The following MYO7B variants were observed in gnomAD, a reference collection of about 807,000 sequenced individuals.
The protein encoded by MYO7B is myosin VIIB, also known as unconventional myosin-VIIb.
A neutral mutation model predicts 259.7 loss-of-function variants in MYO7B; 212 were observed. The observed-to-expected ratio is 0.82, with a 90% CI of 0.73 to 0.91. MYO7B has a LOEUF of 0.91. Among genes scored for constraint, MYO7B ranks in the 40% least tolerant of loss-of-function variants. The pLI is 0.00. For synonymous variants in MYO7B, 1,197 were observed against 1,166.4 expected (o/e 1.03, Z -0.54); for missense variants, 2,732 against 2,813.5 (o/e 0.97, Z 0.66).
In MYO7B at chr2:127,569,772, GCA is replaced by G; in HGVS notation, c.471-13_471-12del. On this transcript the variant is annotated splice_polypyrimidine_tract_variant and intron_variant, in intron 5 of 47. Transcript: ENST00000409816. ...AGTCGTTTTGTGGCATCATGTCCCT[GCA>G]CACCCTTTTTGCAGCGGCGAGTCTG... 6.2e-7 allele frequency: 1 copy of G among 1,606,478 alleles called. No homozygotes were observed. Among genetic ancestry groups the G allele is most frequent in the Non-Finnish European group, 8.5e-7 (1 of 1,174,886 alleles).
chr2:127,592,999 G>T, intron 17 of MYO7B, 53 bp downstream of exon 17: 1 of 1,407,612 alleles, frequency 7.1e-7, no homozygotes, highest in Non-Finnish European at 9.2e-7. Context: ...CTTCCCCTCG[G>T]CCTTGGCACC....
Position 127,636,108 on chromosome 2 carries a change from T to A in MYO7B, c.6007-100T>A. ...CCCATGCTGCATTCCTCCCCTCCCC[T>A]CCCCACCGTACTAGCCCTGGGGTAG... On this transcript the variant is annotated intron_variant, in intron 44 of 47. Transcript: ENST00000409816. The surrounding 1 kb of genome is among the most constrained non-coding windows in gnomAD (Gnocchi z 4.5). The A allele has an allele frequency of 1.8e-6, 2 of 1,128,328 alleles. No homozygotes were observed. The highest frequency in any genetic ancestry group is 2.6e-6 in the Non-Finnish European group (2 of 776,622). 69.9% of individuals were successfully genotyped at this position (1,128,328 alleles called of 1,614,324 possible).
At chr2:127,589,956 G>T in intron 15 of MYO7B, 136 bp from the exon 16 acceptor site, 1 of 945,832 alleles carries the variant, frequency 1.1e-6, no homozygotes, top group Non-Finnish European at 1.6e-6. Context: ...GGATGGGTGG[G>T]TGGGTGGATT....
chr2:127,542,550 A>G (rs1339964030), intron 1 of MYO7B, among the ~76,000 whole-genome samples: 1 of 152,196 alleles, frequency 6.6e-6, no homozygotes, highest in African/African-American at 2.4e-5. Flanking sequence ...TAAAATAAGT[A>G]ACAAATGCAT....
chr2:127,619,376 G>A (rs1383452753), intron 26 of MYO7B, among the ~76,000 whole-genome samples: 1 of 144,414 alleles, frequency 6.9e-6, no homozygotes, highest in Non-Finnish European at 1.5e-5. Flanking sequence ...GCTGAGTAGT[G>A]GGTGCCGGCT....
chr2:127,538,877 T>C (rs1692895891), intron 1 of MYO7B, among the ~76,000 whole-genome samples: 1 of 152,232 alleles, frequency 6.6e-6, no homozygotes, highest in Admixed American at 6.5e-5. Flanking sequence ...GCAGAAATCT[T>C]GAGTCAAGAA....
Position 127,605,910 on chromosome 2 carries a change from C to T in MYO7B, c.2406C>T (p.Asn802=), listed in dbSNP as rs1162504666. 6.2e-7 allele frequency: 1 copy of T among 1,613,264 alleles called. No homozygotes were observed. Among genetic ancestry groups the T allele is most frequent in the Non-Finnish European group, 8.5e-7 (1 of 1,179,802 alleles). ...AGGCCTGGTGGAGAGGCTACTGCAA[C>T]AGGAGGAATTTCAAGCTGGTGAGAG... ...TLQAWWRGYC[N]RRNFKLILVG... Residue 802 remains asparagine, a synonymous_variant, in exon 20 of 48, where the codon AAC becomes AAT. Coordinates refer to ENST00000409816, the MANE Select transcript of MYO7B (RefSeq NM_001393586.1).
intron 43 of MYO7B, 170 bp from the exon 44 acceptor site, chr2:127,635,552 C>T (rs1211819116): frequency 1.3e-6 from 1 of 751,514 alleles, no homozygotes; most frequent in Non-Finnish European, 2.1e-6. Flanking sequence ...TGTCAGGGGG[C>T]CCTGCCCTGA....
At chr2:127,543,042 G>A (rs1573601850) in intron 1 of MYO7B, among the ~76,000 whole-genome samples, 2 of 152,290 alleles carry the variant, frequency 1.3e-5, no homozygotes, top group East Asian at 1.9e-4. Flanking sequence ...TCCCAGGGAC[G>A]AGCAGGAGAC....
intron 7 of MYO7B, among the ~76,000 whole-genome samples, chr2:127,575,868 G>A (rs907160612): frequency 2.0e-5 from 3 of 152,040 alleles, no homozygotes; most frequent in African/African-American, 7.3e-5. Context: ...TAATCTTCCC[G>A]CCTCAGCCTC....
intron 19 of MYO7B, among the ~76,000 whole-genome samples, chr2:127,604,090 G>A (rs1317322957): frequency 6.6e-6 from 1 of 152,118 alleles, no homozygotes. Context: ...CTGAGATCAC[G>A]CCACTGCACT....
chr2:127,568,962 C>A (rs754432138), intron 5 of MYO7B, among the ~76,000 whole-genome samples: 1 of 151,254 alleles, frequency 6.6e-6, no homozygotes, highest in Non-Finnish European at 1.5e-5. Flanking sequence ...AATCCCAGCA[C>A]TTTGGGAGGC....
rs566110603 is a variant in MYO7B at position 127,598,252 on chromosome 2, C to T, written c.2339+1696C>T. 2.3e-4 allele frequency among the ~76,000 whole-genome samples: 35 copies of T among 152,322 alleles called. 2 individuals are homozygous for T. In the South Asian group the frequency reaches 5.8e-3, roughly 25 times the overall value. The stretch of plus-strand genomic sequence containing the variant: ...AGCAATGTCTGGCTGACTCAGTGTC[C>T]GTGCATCCTCACCAGTATTTGATGT... On this transcript the variant is annotated intron_variant, in intron 19 of 47. Coordinates refer to ENST00000409816, the MANE Select transcript of MYO7B (RefSeq NM_001393586.1).
intron 26 of MYO7B, among the ~76,000 whole-genome samples, chr2:127,617,749 G>A (rs1450319758): frequency 2.6e-5 from 4 of 151,024 alleles, no homozygotes; most frequent in Admixed American, 6.6e-5. Context: ...TGATCCACCC[G>A]CCTCGGCCTC....
Position 127,608,854 on chromosome 2 carries a change from G to T in MYO7B, c.2790G>T (p.Glu930Asp). The change falls in exon 22 of 48, where the codon GAG (glutamate) becomes GAT (aspartate). Residue 930 changes from glutamate (E) to aspartate (D), a missense_variant. By Grantham distance (45) the Glu-to-Asp change is conservative. Coordinates refer to ENST00000409816, the MANE Select transcript of MYO7B (RefSeq NM_001393586.1). ...GFLPAMIGGQEGQASPHFEDL... is the reference protein window; with the variant it reads ...GFLPAMIGGQDGQASPHFEDL... ...TCCCTGCCATGATTGGGGGCCAGGA[G>T]GGCCAGGCCTCGCCGCACTTTGAGG... The T allele has an allele frequency of 6.2e-7, 1 of 1,613,270 alleles. No homozygotes were observed. Among genetic ancestry groups the T allele is most frequent in the South Asian group, 1.1e-5 (1 of 91,006 alleles).
At chr2:127,581,659 A>G (rs1679103242) in intron 10 of MYO7B, among the ~76,000 whole-genome samples, 1 of 151,892 alleles carries the variant, frequency 6.6e-6, no homozygotes, top group Non-Finnish European at 1.5e-5. Context: ...AGGCTGGGGG[A>G]GCCAGCCCCT....
intron 28 of MYO7B, 37 bp downstream of exon 28, chr2:127,622,138 G>T (rs1314566131): frequency 6.5e-7 from 1 of 1,535,688 alleles, no homozygotes; most frequent in Admixed American, 2.0e-5. Flanking sequence ...GCAGGGTGGG[G>T]TGGTGCAGAC....
chr2:127,568,857 C>T (rs1678467609), intron 5 of MYO7B, among the ~76,000 whole-genome samples: 1 of 150,912 alleles, frequency 6.6e-6, no homozygotes, highest in Admixed American at 6.6e-5. Context: ...GAGATCGTGC[C>T]ATTGCACTCC....
intron 19 of MYO7B, among the ~76,000 whole-genome samples, chr2:127,604,448 C>T (rs537533134): frequency 1.1e-4 from 17 of 152,312 alleles, no homozygotes; most frequent in Non-Finnish European, 1.9e-4. Flanking sequence ...CGAAAACTGT[C>T]TCCATATCAG....
Sources: gnomAD v4.1 joint callset for allele counts (sites outside exome capture counted in the v4.1 genomes callset) on GRCh38, gnomAD v4.1.1 for gene constraint, Gnocchi (gnomAD v3.1) non-coding constraint, MANE v1.5 for transcripts, NCBI Gene and HGNC (gene_info 2026-07-23, HGNC 2026-07-21) for gene names.